RHOBTB1: variants seen among roughly 807,000 people sequenced by gnomAD.
RHOBTB1 encodes the protein rho-related BTB domain-containing protein 1.
A neutral mutation model predicts 71.6 loss-of-function variants in RHOBTB1; 40 were observed. The observed-to-expected ratio is 0.56, with a 90% CI of 0.43 to 0.73. The LOEUF (loss-of-function observed/expected upper bound fraction) is 0.73. Ranked by LOEUF, RHOBTB1 falls within the 30% of genes least tolerant of loss-of-function variation. The pLI is 0.00. For synonymous variants in RHOBTB1, 319 were observed against 334.9 expected (o/e 0.95, Z 0.52); for missense variants, 797 against 894.0 (o/e 0.89, Z 1.38).
chr10:60,909,130 T>C (rs1386272049), intron 4 of RHOBTB1, among the ~76,000 whole-genome samples: 1 of 152,176 alleles, frequency 6.6e-6, no homozygotes, highest in Non-Finnish European at 1.5e-5. Flanking sequence ...TGACTCCAGC[T>C]ATGTCAGAGA....
chr10:60,929,181 G>C (rs889920424), intron 2 of RHOBTB1, among the ~76,000 whole-genome samples: 2 of 151,692 alleles, frequency 1.3e-5, no homozygotes, highest in Admixed American at 6.5e-5. Context: ...ATGAGATTTG[G>C]GTGGGGACAC....
the RHOBTB1 span, among the ~76,000 whole-genome samples, chr10:60,861,654 C>T: frequency 2.6e-5 from 4 of 151,994 alleles, no homozygotes; most frequent in Non-Finnish European, 2.9e-5. Flanking sequence ...AAGAACATCC[C>T]GTTGAAACTG....
At chr10:60,939,874 T>C (rs985194443) in intron 2 of RHOBTB1, among the ~76,000 whole-genome samples, 1 of 152,232 alleles carries the variant, frequency 6.6e-6, no homozygotes, top group African/African-American at 2.4e-5. Context: ...GATTGCTAAA[T>C]GATTATTATT....
At chr10:60,981,605 G>T (rs1389020114) in intron 2 of RHOBTB1, among the ~76,000 whole-genome samples, 1 of 152,038 alleles carries the variant, frequency 6.6e-6, no homozygotes, top group African/African-American at 2.4e-5. Context: ...TAATATTCAT[G>T]TATCACATAA....
At chr10:60,920,507 T>G (rs2083497951) in intron 2 of RHOBTB1, among the ~76,000 whole-genome samples, 1 of 151,698 alleles carries the variant, frequency 6.6e-6, no homozygotes, top group African/African-American at 2.4e-5. Context: ...GAAAGGTAGG[T>G]GGGGATAGAT....
intron 1 of RHOBTB1, among the ~76,000 whole-genome samples, chr10:60,999,094 A>G (rs1275756230): frequency 6.6e-6 from 1 of 152,190 alleles, no homozygotes; most frequent in Non-Finnish European, 1.5e-5. Context: ...TTTTTCACCT[A>G]GTGCACTTTC....
intron 2 of RHOBTB1, among the ~76,000 whole-genome samples, chr10:60,980,174 C>G (rs548280280): frequency 1.3e-5 from 2 of 152,290 alleles, no homozygotes; most frequent in East Asian, 3.9e-4. Flanking sequence ...GTTCAACTCT[C>G]CGCTTTGCAT....
chr10:60,966,818 C>T (rs2085977897), intron 2 of RHOBTB1, among the ~76,000 whole-genome samples: 1 of 151,378 alleles, frequency 6.6e-6, no homozygotes, highest in Non-Finnish European at 1.5e-5. Flanking sequence ...GGTACATCTC[C>T]TAATGCTATC....
At chr10:60,947,459 T>C (rs2085275254), upstream of RHOBTB1, among the ~76,000 whole-genome samples, 1 of 152,220 alleles carries the variant, frequency 6.6e-6, no homozygotes, top group Non-Finnish European at 1.5e-5. Flanking sequence ...AATCCTCTCA[T>C]ACTACCTCTT....
At chr10:60,899,654 T>C (rs910919277) in intron 4 of RHOBTB1, among the ~76,000 whole-genome samples, 1 of 152,194 alleles carries the variant, frequency 6.6e-6, no homozygotes, top group Admixed American at 6.5e-5. Context: ...CATCTAATCA[T>C]TTCTTGCAGA....
intron 2 of RHOBTB1, among the ~76,000 whole-genome samples, chr10:60,975,627 G>A (rs1267052637): frequency 6.6e-6 from 1 of 152,002 alleles, no homozygotes; most frequent in Non-Finnish European, 1.5e-5. Context: ...TCCACGTGCT[G>A]TTCTGAAAAA....
At chr10:60,982,883 C>T (rs1416054646) in intron 2 of RHOBTB1, among the ~76,000 whole-genome samples, 3 of 152,306 alleles carry the variant, frequency 2.0e-5, no homozygotes, top group African/African-American at 7.2e-5. Flanking sequence ...CATTTGCCCT[C>T]TTTCCTCTTC....
At chr10:60,981,005 T>C (rs1221405721) in intron 2 of RHOBTB1, among the ~76,000 whole-genome samples, 3 of 152,258 alleles carry the variant, frequency 2.0e-5, no homozygotes, top group Non-Finnish European at 1.5e-5. Flanking sequence ...GAAAGATGTG[T>C]ACATTATTCA....
chr10:60,974,266 A>G (rs1168151064), intron 2 of RHOBTB1, among the ~76,000 whole-genome samples: 1 of 152,098 alleles, frequency 6.6e-6, no homozygotes, highest in Non-Finnish European at 1.5e-5. Context: ...CAATATTTCA[A>G]TTGACAAAAC....
intron 2 of RHOBTB1, among the ~76,000 whole-genome samples, chr10:60,913,916 A>C (rs774808906): frequency 2.0e-5 from 3 of 152,196 alleles, no homozygotes; most frequent in Non-Finnish European, 4.4e-5. Flanking sequence ...GATTACGTGA[A>C]CTGATGAATT....
At chr10:60,988,448 C>A (rs2086744869) in intron 1 of RHOBTB1, among the ~76,000 whole-genome samples, 2 of 151,702 alleles carry the variant, frequency 1.3e-5, no homozygotes. Flanking sequence ...AGTTGTTCAG[C>A]CCTTGCCCCT....
chr10:60,917,357 T>A (rs755918855), intron 2 of RHOBTB1, among the ~76,000 whole-genome samples: 2 of 152,128 alleles, frequency 1.3e-5, no homozygotes, highest in African/African-American at 2.4e-5. Flanking sequence ...TTCCTAACTA[T>A]CCTCTAAAAA....
chr10:60,867,561 A>C (rs187959937), downstream of RHOBTB1, among the ~76,000 whole-genome samples: 2 of 152,352 alleles, frequency 1.3e-5, no homozygotes, highest in Admixed American at 6.5e-5. Context: ...ACGTCTGTGG[A>C]TATGCAACTG....
intron 2 of RHOBTB1, among the ~76,000 whole-genome samples, chr10:60,983,524 T>C (rs2086569386): frequency 6.6e-6 from 1 of 152,190 alleles, no homozygotes; most frequent in Non-Finnish European, 1.5e-5. Flanking sequence ...ATCATTTCTT[T>C]CTTTCTTTTT....
Sources: allele counts gnomAD v4.1 joint callset (sites outside exome capture counted in the v4.1 genomes callset), GRCh38; gene constraint gnomAD v4.1.1; transcripts MANE v1.5; gene names NCBI Gene and HGNC (gene_info 2026-07-23, HGNC 2026-07-21).